The following TMEM132D variants were observed in gnomAD, a reference collection of about 807,000 sequenced individuals.
TMEM132D encodes mature OL transmembrane protein.
In TMEM132D, 21 loss-of-function variants were observed where a neutral mutation model predicts 62.3. The ratio of observed to expected loss-of-function variants is 0.34; its 90% CI spans 0.24 to 0.49. TMEM132D has a LOEUF of 0.49. Among genes scored for constraint, TMEM132D ranks in the 20% least tolerant of loss-of-function variants. The pLI, the probability that TMEM132D is intolerant of heterozygous loss-of-function variation, is 0.99. For synonymous variants in TMEM132D, 621 were observed against 575.6 expected (o/e 1.08, Z -1.13); for missense variants, 1,346 against 1,402.8 (o/e 0.96, Z 0.65).
intron 1 of TMEM132D, among the ~76,000 whole-genome samples, chr12:129,797,537 G>T (rs2137303420): frequency 6.6e-6 from 1 of 152,318 alleles, no homozygotes; most frequent in Non-Finnish European, 1.5e-5. Context: ...TGGTGCTCGT[G>T]GAGGGGCTCT....
Position 129,699,895 on chromosome 12 carries a change from T to A in TMEM132D, c.883A>T (p.Ile295Leu). 1 of 1,614,182 alleles carries A rather than the reference T, an allele frequency of 6.2e-7. No individual in the cohort carries two copies. The highest frequency in any genetic ancestry group is 8.5e-7 in the Non-Finnish European group (1 of 1,180,032). ...RLDNSVAIHYIPKTVRKGDVL... is the reference protein window; with the variant it reads ...RLDNSVAIHYLPKTVRKGDVL... ...TCTCCTTTCCTCACGGTCTTTGGTATATAGTGGATGGCCACGCTGTTGTCC... is the reference window on the plus strand; with the variant it reads ...TCTCCTTTCCTCACGGTCTTTGGTAAATAGTGGATGGCCACGCTGTTGTCC... The change falls in exon 2 of 9, where the codon ATA becomes TTA. Residue 295 changes from isoleucine to leucine, a missense_variant. Physicochemically the swap from Ile to Leu is conservative, Grantham distance 5. Coordinates refer to ENST00000422113, the MANE Select transcript of TMEM132D (RefSeq NM_133448.3).
At chr12:129,484,855 A>G (rs1306503601) in intron 3 of TMEM132D, among the ~76,000 whole-genome samples, 5 of 152,258 alleles carry the variant, frequency 3.3e-5, no homozygotes, top group Admixed American at 3.3e-4. Context: ...AAGAATTCAA[A>G]ATTTTTTTAA....
At chr12:129,522,929 AGATATATATGTAGACATAGAT>A (rs1401889055) in intron 3 of TMEM132D, among the ~76,000 whole-genome samples, 29 of 141,182 alleles carry the variant, frequency 2.1e-4, no homozygotes, top group Non-Finnish European at 3.5e-4. Context: ...GACATAGATT[AGATATATATGTAGACATAGAT>A]TATATATATA....
intron 3 of TMEM132D, among the ~76,000 whole-genome samples, chr12:129,388,700 C>T (rs1337516215): frequency 8.4e-6 from 1 of 118,760 alleles, no homozygotes; most frequent in Admixed American, 8.1e-5. Flanking sequence ...ACCAATCCAG[C>T]ACTGATAATA....
At chr12:129,420,304 CTGT>C (rs926669988) in intron 3 of TMEM132D, among the ~76,000 whole-genome samples, 2 of 69,890 alleles carry the variant, frequency 2.9e-5, no homozygotes, top group African/African-American at 1.3e-4. Context: ...TGCACGTTCT[CTGT>C]TTTTTTTTTT....
At chr12:129,388,230 A>C (rs1593360819) in intron 3 of TMEM132D, among the ~76,000 whole-genome samples, 1 of 128,814 alleles carries the variant, frequency 7.8e-6, no homozygotes, top group Non-Finnish European at 1.8e-5. Context: ...CACTAACACG[A>C]ATCCTAATAT....
intron 1 of TMEM132D, among the ~76,000 whole-genome samples, chr12:129,821,898 G>A (rs1593175434): frequency 6.6e-6 from 1 of 152,140 alleles, no homozygotes; most frequent in South Asian, 2.1e-4. Context: ...CAGGAGTGCT[G>A]CTCTTAAGTG....
chr12:129,294,047 C>A (rs1881512162), intron 4 of TMEM132D, among the ~76,000 whole-genome samples: 1 of 152,132 alleles, frequency 6.6e-6, no homozygotes, highest in African/African-American at 2.4e-5. Flanking sequence ...TGGGTTGCAC[C>A]CTTGTAAAGT....
intron 3 of TMEM132D, among the ~76,000 whole-genome samples, chr12:129,375,932 T>C (rs1304965477): frequency 2.0e-5 from 3 of 152,222 alleles, no homozygotes; most frequent in Non-Finnish European, 4.4e-5. Context: ...ATCTGGACTA[T>C]AGCCTTGACA....
chr12:129,175,231 T>C (rs1018176732), intron 5 of TMEM132D, among the ~76,000 whole-genome samples: 3 of 152,104 alleles, frequency 2.0e-5, no homozygotes, highest in African/African-American at 7.2e-5. Flanking sequence ...CTTTAATCCA[T>C]CTCAAGTTAA....
At chr12:129,601,468 C>T (rs7135209) in intron 2 of TMEM132D, among the ~76,000 whole-genome samples, 89,725 of 152,066 alleles carry the variant, frequency 0.59, 26,867 homozygotes, top group East Asian at 0.73. Flanking sequence ...GAAACATAAC[C>T]ATATGATACA....
chr12:129,656,276 A>G (rs1304116635), intron 2 of TMEM132D, among the ~76,000 whole-genome samples: 5 of 151,248 alleles, frequency 3.3e-5, no homozygotes, highest in Non-Finnish European at 7.4e-5. Context: ...AAAAGGAAAG[A>G]ATGAAAGGGA....
At chr12:129,880,103 AT>A (rs1402066467) in intron 1 of TMEM132D, among the ~76,000 whole-genome samples, 2 of 152,082 alleles carry the variant, frequency 1.3e-5, no homozygotes. Context: ...AAAAGAGAAA[AT>A]GTTGAGGGCA....
chr12:129,586,898 A>G (rs1878045062), intron 2 of TMEM132D, among the ~76,000 whole-genome samples: 1 of 152,200 alleles, frequency 6.6e-6, no homozygotes, highest in Non-Finnish European at 1.5e-5. Flanking sequence ...AAAAATAAGA[A>G]AATATGAGAT....
chr12:129,635,445 G>A (rs1316586139), intron 2 of TMEM132D, among the ~76,000 whole-genome samples: 1 of 152,174 alleles, frequency 6.6e-6, no homozygotes, highest in Non-Finnish European at 1.5e-5. Context: ...GAAAGGAAAG[G>A]GAGGGAAAGC....
intron 2 of TMEM132D, among the ~76,000 whole-genome samples, chr12:129,609,519 C>T (rs7966982): frequency 2.1e-3 from 319 of 152,248 alleles, no homozygotes; most frequent in African/African-American, 7.3e-3. Context: ...GAAGTCAATC[C>T]TGGTCATTAG....
At chr12:129,317,994 TTTG>T (rs1868542432) in intron 4 of TMEM132D, among the ~76,000 whole-genome samples, 1 of 152,194 alleles carries the variant, frequency 6.6e-6, no homozygotes, top group Admixed American at 6.5e-5. Context: ...CCTGAATTTT[TTTG>T]TTTTTTTCTT....
chr12:129,267,937 G>C lies in TMEM132D; in HGVS notation c.1300-58274C>G, dbSNP rs1387579746. 4.6e-5 allele frequency among the ~76,000 whole-genome samples: 7 copies of C among 152,302 alleles called. No individual in the cohort carries two copies. The South Asian group carries it at 1.2e-3, about 27-fold the overall frequency. On this transcript the variant is annotated intron_variant, in intron 4 of 8. Transcript: ENST00000422113. ...TGACAAAAACAAGCAATGGGGAAAG[G>C]ATTCCCTATTTAATAAATGGTGCTG... is the stretch of plus-strand genomic sequence containing the variant.
intron 2 of TMEM132D, among the ~76,000 whole-genome samples, chr12:129,638,616 CA>C (rs1879556639): frequency 2.0e-4 from 18 of 89,094 alleles, no homozygotes; most frequent in South Asian, 3.2e-4. Context: ...ATAAATTCAG[CA>C]TATATATATA....
Sources: allele counts gnomAD v4.1 joint callset (sites outside exome capture counted in the v4.1 genomes callset), GRCh38; gene constraint gnomAD v4.1.1; transcripts MANE v1.5; gene names NCBI Gene and HGNC (gene_info 2026-07-23, HGNC 2026-07-21).